INPP5A: variants seen among roughly 807,000 people sequenced by gnomAD.
INPP5A encodes 43 kDa inositol polyphosphate 5-phophatase.
A neutral mutation model predicts 65.2 loss-of-function variants in INPP5A; 14 were observed. The ratio of observed to expected loss-of-function variants is 0.21; its 90% CI spans 0.14 to 0.34. The LOEUF is 0.34. INPP5A is among the 10% of genes least tolerant of loss of function. INPP5A has a pLI of 1.00. For synonymous variants in INPP5A, 207 were observed against 208.3 expected (o/e 0.99, Z 0.05); for missense variants, 431 against 545.6 (o/e 0.79, Z 2.09).
intron 4 of INPP5A, among the ~76,000 whole-genome samples, chr10:132,670,312 C>T (rs1412335104): frequency 7.4e-6 from 1 of 135,848 alleles, no homozygotes; most frequent in Non-Finnish European, 1.6e-5. Context: ...CCTGACCCCA[C>T]ACCCCAGACC....
intron 11 of INPP5A, among the ~76,000 whole-genome samples, chr10:132,761,334 C>T (rs1487281221): frequency 3.3e-5 from 5 of 152,258 alleles, no homozygotes; most frequent in Admixed American, 2.0e-4. Context: ...CACTGCAGTG[C>T]ACTGTGGGGG....
rs1846757703 is a variant in INPP5A at position 132,762,770 on chromosome 10, T to A, written c.904-3003T>A. Among the ~76,000 whole-genome samples the A allele has an allele frequency of 6.6e-6, 1 of 152,090 alleles. No homozygotes were observed. Among genetic ancestry groups the A allele is most frequent in the Non-Finnish European group, 1.5e-5 (1 of 68,022 alleles). ...CTTGGGGAGGCCGAGGCAGGAGGATTGCTTGAGGCCAGTAGTCTCAGACAA... is the reference window on the plus strand; with the variant it reads ...CTTGGGGAGGCCGAGGCAGGAGGATAGCTTGAGGCCAGTAGTCTCAGACAA... On this transcript the variant is annotated intron_variant, in intron 11 of 15. Coordinates refer to ENST00000368594, the MANE Select transcript of INPP5A (RefSeq NM_005539.5). The surrounding 1 kb of genome is among the most constrained non-coding windows in gnomAD (Gnocchi z 4.6).
chr10:132,619,646 C>T (rs2133358917), intron 2 of INPP5A, among the ~76,000 whole-genome samples: 1 of 152,302 alleles, frequency 6.6e-6, no homozygotes, highest in Non-Finnish European at 1.5e-5. Flanking sequence ...GAGGGCTGCA[C>T]CCCTGCAGCA....
intron 4 of INPP5A, among the ~76,000 whole-genome samples, chr10:132,665,293 C>T (rs1461224270): frequency 1.3e-5 from 2 of 152,228 alleles, no homozygotes; most frequent in South Asian, 4.1e-4. Context: ...CACAGGAAAG[C>T]CCCCTCTTAG....
intron 4 of INPP5A, among the ~76,000 whole-genome samples, chr10:132,655,672 T>C (rs61712507): frequency 0.029 from 4,377 of 151,650 alleles, 92 homozygotes; most frequent in African/African-American, 0.052. Context: ...AGCCCTGCAG[T>C]GGGAGGGGTG....
chr10:132,717,230 C>T (rs1845755980), intron 8 of INPP5A, among the ~76,000 whole-genome samples: 1 of 152,228 alleles, frequency 6.6e-6, no homozygotes, highest in South Asian at 2.1e-4. Context: ...CTTCCTCTTG[C>T]ATCAGGGCCC....
At chr10:132,719,205 G>T (rs1590953097) in intron 8 of INPP5A, among the ~76,000 whole-genome samples, 1 of 148,146 alleles carries the variant, frequency 6.8e-6, no homozygotes. Flanking sequence ...TTCTGTCTGG[G>T]CACCTTAGAC....
intron 4 of INPP5A, among the ~76,000 whole-genome samples, chr10:132,665,039 G>A (rs141447287): frequency 6.6e-5 from 10 of 152,282 alleles, no homozygotes; most frequent in Middle Eastern, 3.4e-3. Context: ...GCCTGGCAGC[G>A]CCCCGCCTGT....
At chr10:132,694,530 G>A (rs1446183876) in intron 5 of INPP5A, among the ~76,000 whole-genome samples, 1 of 151,896 alleles carries the variant, frequency 6.6e-6, no homozygotes, top group Non-Finnish European at 1.5e-5. Context: ...GTAAGCAGAA[G>A]AAAAGAAATA....
At chr10:132,764,599 T>C (rs1177048205) in intron 11 of INPP5A, among the ~76,000 whole-genome samples, 1 of 104,414 alleles carries the variant, frequency 9.6e-6, no homozygotes. Context: ...CCTGCAGGGG[T>C]GGGAGGGTGT....
intron 2 of INPP5A, among the ~76,000 whole-genome samples, chr10:132,635,836 G>T (rs1252326015): frequency 6.6e-6 from 1 of 151,956 alleles, no homozygotes; most frequent in Non-Finnish European, 1.5e-5. Context: ...AGCTGGGTTT[G>T]GTGGTGCACA....
intron 8 of INPP5A, among the ~76,000 whole-genome samples, chr10:132,712,421 ATGTG>A (rs34217426): frequency 2.0e-5 from 3 of 147,406 alleles, no homozygotes; most frequent in Non-Finnish European, 3.0e-5. Flanking sequence ...GTGCATACAT[ATGTG>A]TGTGCACGCG....
chr10:132,781,519 C>T (rs1246913941), intron 14 of INPP5A, among the ~76,000 whole-genome samples: 2 of 152,236 alleles, frequency 1.3e-5, no homozygotes, highest in Non-Finnish European at 2.9e-5. Context: ...GCGGCAGAGC[C>T]GAGGACGGGA....
intron 2 of INPP5A, among the ~76,000 whole-genome samples, chr10:132,625,840 C>CTGTGTGTGTGTGTGTGTGTGTGTG (rs139839964): frequency 6.8e-6 from 1 of 146,590 alleles, no homozygotes; most frequent in Admixed American, 6.7e-5. Context: ...GGCAGGACTT[C>CTGTGTGTGTGTGTGTGTGTGTGTG]TGTGTGTGTG....
rs1742312865 is a variant in INPP5A, at chr10:132,627,250, G to A, written c.118-18618G>A. On this transcript the variant is annotated intron_variant, in intron 2 of 15. Coordinates refer to ENST00000368594, the MANE Select transcript of INPP5A (RefSeq NM_005539.5). This position sits in a 1 kb window ranked among gnomAD's most constrained non-coding sequence, Gnocchi z 6.6. ...GGCTCTCTGGTCTGTGGCATTTTGT[G>A]ATGGAGCCTCTGCCGACCGAGGGAG... 6.6e-6 allele frequency among the ~76,000 whole-genome samples: 1 copy of A among 152,200 alleles called. No homozygotes were observed. Among genetic ancestry groups the A allele is most frequent in the African/African-American group, 2.4e-5 (1 of 41,454 alleles).
chr10:132,631,713 C>T (rs570113935), intron 2 of INPP5A, among the ~76,000 whole-genome samples: 8 of 152,378 alleles, frequency 5.3e-5, no homozygotes, highest in South Asian at 2.1e-4. Flanking sequence ...GGCCCCGCTC[C>T]GCGGCAGAAG....
chr10:132,557,864 G>A lies in INPP5A; in HGVS notation c.75+19693G>A, dbSNP rs537643225. The stretch of plus-strand genomic sequence containing the variant: ...TCTCTGTTCAGAGTGTGGCAGCCAC[G>A]GCTTATGGCGGGAGTGACGCCAGGC... On this transcript the variant is annotated intron_variant, in intron 1 of 15. Transcript: ENST00000368594. 8.8e-4 allele frequency among the ~76,000 whole-genome samples: 134 copies of A among 152,292 alleles called. 1 individual carries two copies. Among genetic ancestry groups the A allele is most frequent in the Non-Finnish European group, 2.4e-4 (16 of 68,012 alleles).
chr10:132,779,284 G>A lies in INPP5A; in HGVS notation c.1089+1502G>A, dbSNP rs529462899. 1.9e-4 allele frequency among the ~76,000 whole-genome samples: 29 copies of A among 152,386 alleles called. No homozygotes were observed. In the East Asian group the frequency reaches 5.6e-3, roughly 29 times the overall value. ...CTGGTAGGCACGCCAGTCCCTCGGT[G>A]CCACATGGTGGGTGCTCCCATCTGC... is the stretch of plus-strand genomic sequence containing the variant. On this transcript the variant is annotated intron_variant, in intron 13 of 15. Coordinates refer to ENST00000368594, the MANE Select transcript of INPP5A (RefSeq NM_005539.5).
At chr10:132,748,332 C>G (rs1287282519) in intron 9 of INPP5A, among the ~76,000 whole-genome samples, 2 of 152,234 alleles carry the variant, frequency 1.3e-5, no homozygotes, top group Admixed American at 1.3e-4. Context: ...TGCAGAAACG[C>G]CGGTGCCTCT....
Sources: gnomAD v4.1 joint callset for allele counts (sites outside exome capture counted in the v4.1 genomes callset) on GRCh38, gnomAD v4.1.1 for gene constraint, Gnocchi (gnomAD v3.1) non-coding constraint, MANE v1.5 for transcripts, NCBI Gene and HGNC (gene_info 2026-07-23, HGNC 2026-07-21) for gene names.